Variants in PDE4DIP observed in about 807,000 individuals in gnomAD.
PDE4DIP encodes phosphodiesterase 4D interacting protein, also known as myomegalin.
PDE4DIP carries 59 observed loss-of-function variants against 221.4 expected under a neutral mutation model. That is an observed-to-expected ratio of 0.27 (90% CI 0.22 to 0.33). PDE4DIP has a LOEUF of 0.33. Ranked by LOEUF, PDE4DIP falls within the 10% of genes least tolerant of loss-of-function variation. The pLI, the probability that PDE4DIP is intolerant of heterozygous loss-of-function variation, is 1.00. For synonymous variants in PDE4DIP, 404 were observed against 815.9 expected (o/e 0.50, Z 8.60); for missense variants, 1,036 against 2,154.2 (o/e 0.48, Z 10.28).
At chr1:149,020,651 C>T (rs1559380233) in intron 36 of PDE4DIP, 1 of 362,332 alleles carries the variant, frequency 2.8e-6, no homozygotes, top group Non-Finnish European at 5.1e-6. Context: ...GGACATTAGT[C>T]TCACCATCAC....
intron 5 of PDE4DIP, among the ~76,000 whole-genome samples, chr1:148,944,319 G>A (rs1287379553): frequency 6.6e-6 from 1 of 150,876 alleles, no homozygotes; most frequent in African/African-American, 2.4e-5. Flanking sequence ...GTATAGAGGT[G>A]GGGAAGTTCA....
chr1:148,968,286 A>T (rs587716847), intron 13 of PDE4DIP, among the ~76,000 whole-genome samples: 3 of 151,910 alleles, frequency 2.0e-5, no homozygotes, highest in Admixed American at 6.6e-5. Flanking sequence ...GAGGAAACAG[A>T]CTTCTGAAGC....
intron 1 of PDE4DIP, among the ~76,000 whole-genome samples, chr1:148,918,660 C>G (rs1189857270): frequency 7.2e-6 from 1 of 139,276 alleles, no homozygotes; most frequent in Admixed American, 7.1e-5. Context: ...CACACACACC[C>G]TAGCTGTGTC....
At chr1:149,030,349 T>C in intron 43 of PDE4DIP, 71 bp downstream of exon 46, 10 of 1,552,276 alleles carry the variant, frequency 6.4e-6, no homozygotes, top group Non-Finnish European at 8.7e-6. Context: ...TTAGCAGATC[T>C]TGTAGGTGAC....
chr1:148,981,556 G>A, intron 21 of PDE4DIP, 159 bp downstream of exon 24: 2 of 786,396 alleles, frequency 2.5e-6, no homozygotes, highest in Admixed American at 2.2e-5. Context: ...TGATAGAACT[G>A]GTACAAGTAG....
At chr1:148,980,084 A>G (rs2060834801) in intron 20 of PDE4DIP, among the ~76,000 whole-genome samples, 2 of 152,388 alleles carry the variant, frequency 1.3e-5, no homozygotes, top group South Asian at 4.1e-4. Flanking sequence ...CAGCTATTGC[A>G]GAGATTAAAT....
intron 21 of PDE4DIP, chr1:148,983,351 A>G (rs1253904251): frequency 2.0e-5 from 3 of 152,140 alleles, no homozygotes; most frequent in African/African-American, 7.2e-5. Context: ...AATGGCTCAT[A>G]GTGATTACAG....
intron 5 of PDE4DIP, among the ~76,000 whole-genome samples, chr1:148,938,861 T>C (rs1261631197): frequency 2.7e-5 from 4 of 150,262 alleles, no homozygotes; most frequent in African/African-American, 4.9e-5. Context: ...TGATCTCGGC[T>C]AACTGCAACC....
intron 43 of PDE4DIP, among the ~76,000 whole-genome samples, chr1:149,031,381 C>G (rs1221668861): frequency 6.0e-5 from 9 of 150,394 alleles, no homozygotes; most frequent in South Asian, 2.1e-4. Context: ...TCACTAACTG[C>G]TGTGTGGCTT....
chr1:148,941,288 A>G (rs1269368533), intron 5 of PDE4DIP, among the ~76,000 whole-genome samples: 1 of 60,806 alleles, frequency 1.6e-5, no homozygotes, highest in African/African-American at 7.8e-5. Context: ...TGGGCCTTAA[A>G]GACTGGATAC....
intron 38 of PDE4DIP, among the ~76,000 whole-genome samples, chr1:149,025,443 C>T (rs1451950014): frequency 1.3e-5 from 2 of 152,132 alleles, no homozygotes; most frequent in Non-Finnish European, 2.9e-5. Context: ...TCATCATTCG[C>T]TTTCTCTACC....
chr1:148,977,906 A>G (rs782747989), intron 17 of PDE4DIP, 31 bp from the exon 21 acceptor site: 6 of 1,606,006 alleles, frequency 3.7e-6, no homozygotes, highest in Non-Finnish European at 5.1e-6. Flanking sequence ...TAAAATGTAA[A>G]CATGGCAGAC....
intron 17 of PDE4DIP, among the ~76,000 whole-genome samples, chr1:148,975,510 C>CT (rs1294755931): frequency 1.3e-5 from 2 of 151,476 alleles, no homozygotes; most frequent in Non-Finnish European, 2.9e-5. Context: ...AAACTCAAGC[C>CT]TTTTGTGACT....
At chr1:148,838,802 C>T (rs587722805) in intron 1 of PDE4DIP, among the ~76,000 whole-genome samples, 10 of 30,836 alleles carry the variant, frequency 3.2e-4, no homozygotes, top group South Asian at 2.7e-3. Context: ...TTATCAAAGA[C>T]GAAAACTTTC....
intron 2 of PDE4DIP, among the ~76,000 whole-genome samples, chr1:148,863,521 T>A (rs1324739798): frequency 1.3e-5 from 1 of 79,030 alleles, no homozygotes; most frequent in Non-Finnish European, 2.4e-5. Flanking sequence ...ATTTTTAATA[T>A]TTTTTTTTAG....
intron 17 of PDE4DIP, among the ~76,000 whole-genome samples, chr1:148,976,179 G>C (rs2060136985): frequency 6.6e-6 from 1 of 152,190 alleles, no homozygotes. Context: ...CTGTTTTCAG[G>C]ATCATGAAAT....
At chr1:148,935,171 G>C (rs1370173536) in intron 4 of PDE4DIP, among the ~76,000 whole-genome samples, 1 of 151,474 alleles carries the variant, frequency 6.6e-6, no homozygotes, top group Non-Finnish European at 1.5e-5. Flanking sequence ...CCAAGATTGC[G>C]CCACTGCACT....
At chr1:148,960,136 T>A (rs1314706571) in intron 5 of PDE4DIP, among the ~76,000 whole-genome samples, 3 of 152,308 alleles carry the variant, frequency 2.0e-5, no homozygotes, top group African/African-American at 7.2e-5. Context: ...TTATCAAATT[T>A]AGAAAATTAG....
At chr1:148,982,798 A>C (rs587658379) in intron 21 of PDE4DIP, 7 of 148,224 alleles carry the variant, frequency 4.7e-5, no homozygotes, top group African/African-American at 1.7e-4. Flanking sequence ...TTTTCCTTCC[A>C]TTTTTTTTTT....
Sources: allele counts gnomAD v4.1 joint callset (sites outside exome capture counted in the v4.1 genomes callset), GRCh38; gene constraint gnomAD v4.1.1; transcripts MANE v1.5; gene names NCBI Gene and HGNC (gene_info 2026-07-23, HGNC 2026-07-21).